Variants in USH2A observed in about 807,000 individuals in gnomAD.
USH2A encodes usherin.
USH2A carries 443 observed loss-of-function variants against 538.9 expected under a neutral mutation model. The observed-to-expected ratio is 0.82, with a 90% CI of 0.76 to 0.89. The LOEUF is 0.89. Among genes scored for constraint, USH2A ranks in the 40% least tolerant of loss-of-function variants. The pLI is 0.00. For missense variants in USH2A, 6,633 were observed against 6,324.8 expected (o/e 1.05, Z -1.65); for synonymous variants, 2,413 against 2,273.5 (o/e 1.06, Z -1.75).
chr1:216,399,073 G>C (rs1558071387), intron 3 of USH2A, among the ~76,000 whole-genome samples: 2 of 152,064 alleles, frequency 1.3e-5, no homozygotes, highest in African/African-American at 4.8e-5. Flanking sequence ...ACCCCTACCT[G>C]GTAGCAGCAA....
At chr1:216,173,895 G>C in intron 21 of USH2A, 1 of 895,624 alleles carries the variant, frequency 1.1e-6, no homozygotes, top group Non-Finnish European at 1.3e-6. Flanking sequence ...TTTGAGAAAA[G>C]AGTTTTACTA....
intron 44 of USH2A, among the ~76,000 whole-genome samples, chr1:215,860,042 A>G (rs1478795640): frequency 6.6e-6 from 1 of 152,142 alleles, no homozygotes; most frequent in Admixed American, 6.6e-5. Flanking sequence ...GGGTTTTTAG[A>G]AAGCCGGGCA....
intron 32 of USH2A, among the ~76,000 whole-genome samples, chr1:216,010,540 A>G (rs1407976824): frequency 2.6e-5 from 4 of 151,768 alleles, no homozygotes; most frequent in Non-Finnish European, 2.9e-5. Flanking sequence ...TAACTCTCAC[A>G]GTGGAGGGTA....
At chr1:216,307,041 C>T (rs1301982928) in intron 9 of USH2A, among the ~76,000 whole-genome samples, 1 of 151,730 alleles carries the variant, frequency 6.6e-6, no homozygotes, top group African/African-American at 2.4e-5. Context: ...TTCAAGAGAG[C>T]ATCAACGGCA....
In USH2A at chr1:215,647,508, C is replaced by A. The variant is rs1273681728; in HGVS notation, c.14791+14G>T. 17 of 1,613,260 alleles carry A rather than the reference C, an allele frequency of 1.1e-5. No homozygotes were observed. The highest frequency in any genetic ancestry group is 1.4e-5 in the Non-Finnish European group (17 of 1,179,900). On this transcript the variant is annotated intron_variant, in intron 67 of 71. Transcript: ENST00000307340. ...CAATCTCTCTGGCTTATGGTAGCAG[C>A]CACTTATACTCACATTCTTTTTGGG...
intron 67 of USH2A, among the ~76,000 whole-genome samples, chr1:215,645,536 G>A (rs574599777): frequency 6.6e-6 from 1 of 152,306 alleles, no homozygotes; most frequent in Non-Finnish European, 1.5e-5. Flanking sequence ...TAATAGGTCT[G>A]TTGTAAGAAT....
chr1:216,368,065 C>T (rs1267952884), intron 3 of USH2A, among the ~76,000 whole-genome samples: 1 of 152,128 alleles, frequency 6.6e-6, no homozygotes, highest in Non-Finnish European at 1.5e-5. Context: ...GATCCGAAAA[C>T]ACTTTGGAAA....
At chr1:216,108,150 C>G (rs1347588409) in intron 21 of USH2A, among the ~76,000 whole-genome samples, 1 of 151,690 alleles carries the variant, frequency 6.6e-6, no homozygotes, top group Non-Finnish European at 1.5e-5. Context: ...TTTAGCACTT[C>G]TTGTAATGCA....
intron 3 of USH2A, among the ~76,000 whole-genome samples, chr1:216,375,148 C>T (rs2038794576): frequency 1.3e-5 from 2 of 152,174 alleles, no homozygotes; most frequent in South Asian, 4.1e-4. Flanking sequence ...GTTAGGGCAC[C>T]TACCACCTGT....
At chr1:216,140,586 A>G (rs1419691201) in intron 21 of USH2A, among the ~76,000 whole-genome samples, 1 of 152,190 alleles carries the variant, frequency 6.6e-6, no homozygotes, top group Non-Finnish European at 1.5e-5. Flanking sequence ...TTGAGTTCTG[A>G]GATATTCTCC....
At chr1:215,910,115 A>T (rs1053377607) in intron 38 of USH2A, among the ~76,000 whole-genome samples, 2 of 151,924 alleles carry the variant, frequency 1.3e-5, no homozygotes, top group African/African-American at 4.8e-5. Flanking sequence ...CCATTTCTTA[A>T]TTTCTAGAAT....
At chr1:216,311,677 C>G (rs2037422669) in intron 9 of USH2A, among the ~76,000 whole-genome samples, 1 of 152,124 alleles carries the variant, frequency 6.6e-6, no homozygotes, top group Non-Finnish European at 1.5e-5. Context: ...AGAGCAGCCC[C>G]TGACACCTGG....
intron 13 of USH2A, among the ~76,000 whole-genome samples, chr1:216,236,647 A>G (rs1481588490): frequency 6.6e-6 from 1 of 152,114 alleles, no homozygotes; most frequent in African/African-American, 2.4e-5. Flanking sequence ...TAAATCTGTG[A>G]GTCATGAGAG....
intron 13 of USH2A, among the ~76,000 whole-genome samples, chr1:216,232,751 G>A (rs1391868986): frequency 6.6e-6 from 1 of 151,974 alleles, no homozygotes; most frequent in Non-Finnish European, 1.5e-5. Flanking sequence ...TCCCCGCTAC[G>A]ACCTCCCAGA....
At chr1:216,310,183 T>C (rs2037393250) in intron 9 of USH2A, among the ~76,000 whole-genome samples, 1 of 152,280 alleles carries the variant, frequency 6.6e-6, no homozygotes, top group Middle Eastern at 3.4e-3. Context: ...CTACTTTTTA[T>C]TCATTGCCCT....
chr1:216,236,640 A>G (rs1233365505), intron 13 of USH2A, among the ~76,000 whole-genome samples: 1 of 152,136 alleles, frequency 6.6e-6, no homozygotes, highest in Admixed American at 6.6e-5. Flanking sequence ...GTAAACATAA[A>G]TCTGTGAGTC....
intron 58 of USH2A, among the ~76,000 whole-genome samples, chr1:215,746,046 G>A (rs765455259): frequency 2.7e-5 from 4 of 148,538 alleles, no homozygotes; most frequent in African/African-American, 7.3e-5. Flanking sequence ...ACATAGTACC[G>A]TAGGTCCTCG....
chr1:216,282,343 G>T (rs1250482769), intron 11 of USH2A, among the ~76,000 whole-genome samples: 1 of 152,040 alleles, frequency 6.6e-6, no homozygotes, highest in Non-Finnish European at 1.5e-5. Flanking sequence ...TTCTTCTCAA[G>T]ATTTTATAAT....
intron 37 of USH2A, among the ~76,000 whole-genome samples, chr1:215,937,598 C>T (rs1666537243): frequency 6.6e-6 from 1 of 152,010 alleles, no homozygotes; most frequent in African/African-American, 2.4e-5. Context: ...TCCTCCTGTC[C>T]CCATGATATT....
Sources: gnomAD v4.1 joint callset for allele counts (sites outside exome capture counted in the v4.1 genomes callset) on GRCh38, gnomAD v4.1.1 for gene constraint, MANE v1.5 for transcripts, NCBI Gene and HGNC (gene_info 2026-07-23, HGNC 2026-07-21) for gene names.